Variants in RPP40 observed in about 807,000 individuals in gnomAD.
The protein encoded by RPP40 is ribonuclease P/MRP subunit p40, also known as ribonuclease P protein subunit p40.
RPP40 carries 30 observed loss-of-function variants against 42.5 expected under a neutral mutation model. The ratio of observed to expected loss-of-function variants is 0.71; its 90% CI spans 0.53 to 0.96. The LOEUF is 0.96. RPP40 is among the 40% of genes least tolerant of loss of function. The probability of loss-of-function intolerance (pLI) is 0.00; values close to 1 mark genes in which losing one functional copy is unlikely to be tolerated. For synonymous variants in RPP40, 173 were observed against 164.0 expected (o/e 1.05, Z -0.42); for missense variants, 426 against 433.5 (o/e 0.98, Z 0.15).
Position 5,004,006 on chromosome 6 carries a change from CTCCTGGGT to C in RPP40, c.-12_-5del, listed in dbSNP as rs557765486. ...GAAGCCGGCGCAGCGTGGCCATGCT[CTCCTGGGT>C]TCCTGGTCCTCCCGGCCTCCGCTGG... is the stretch of plus-strand genomic sequence containing the variant. On this transcript the variant is annotated 5_prime_UTR_variant, in exon 1 of 8. Transcript: ENST00000380051. 2.4e-5 allele frequency: 38 copies of C among 1,600,826 alleles called. No homozygotes were observed. Among genetic ancestry groups the C allele is most frequent in the Non-Finnish European group, 3.2e-5 (37 of 1,173,524 alleles).
intron 3 of RPP40, 89 bp from the exon 4 acceptor site, chr6:4,999,993 G>C: frequency 2.7e-6 from 2 of 738,946 alleles, no homozygotes; most frequent in South Asian, 1.6e-5. Flanking sequence ...TGAGCAGTTA[G>C]ATATCAATGT....
intron 5 of RPP40, among the ~76,000 whole-genome samples, chr6:4,998,491 T>C (rs939032376): frequency 6.6e-6 from 1 of 152,202 alleles, no homozygotes; most frequent in South Asian, 2.1e-4. Context: ...TGGATCTACA[T>C]ATAACCCAAA....
At chr6:4,996,865 G>A (rs1457446628) in intron 5 of RPP40, among the ~76,000 whole-genome samples, 2 of 152,166 alleles carry the variant, frequency 1.3e-5, no homozygotes, top group East Asian at 3.8e-4. Flanking sequence ...AAAATCCAGC[G>A]TATCTTTTCA....
chr6:4,998,728 A>G lies in RPP40; in HGVS notation c.547T>C (p.Trp183Arg). The G allele has an allele frequency of 1.3e-6, 2 of 1,551,992 alleles. No homozygotes were observed. Among genetic ancestry groups the G allele is most frequent in the Non-Finnish European group, 1.7e-6 (2 of 1,144,354 alleles). Residue 183 changes from tryptophan (W) to arginine (R), a missense_variant, in exon 5 of 8, where the codon TGG becomes CGG. By Grantham distance (101) the Trp-to-Arg change is moderately radical. Coordinates refer to ENST00000380051, the MANE Select transcript of RPP40 (RefSeq NM_006638.4). ...KPLKFDFLLA[W>R]HKTGSEESTM... ...TTATTCCTCATACCTGTTTTATGCC[A>G]AGCCAAAAGAAAATCAAATTTCAAT...
Position 5,002,245 on chromosome 6 carries a change from C to T in RPP40, c.124G>A (p.Val42Ile), listed in dbSNP as rs1471271064. Residue 42 changes from valine (V) to isoleucine (I), a missense_variant and splice_region_variant, in exon 2 of 8, where the codon GTT (valine) becomes ATT (isoleucine). Val to Ile is a conservative substitution (Grantham distance 29). Coordinates refer to ENST00000380051, the MANE Select transcript of RPP40 (RefSeq NM_006638.4). ...LVQTHYYNYR[V>I]SFLIPECGIL... ...CCACATTCAGGAATGAGAAATGAAACCTATTGGAATGTGTAATACAAACAA... is the reference window on the plus strand; with the variant it reads ...CCACATTCAGGAATGAGAAATGAAATCTATTGGAATGTGTAATACAAACAA... 4 of 1,610,272 alleles carry T rather than the reference C, an allele frequency of 2.5e-6. No individual in the cohort carries two copies. The African/African-American group carries it at 5.4e-5, about 22-fold the overall frequency.
Position 5,002,018 on chromosome 6 carries a change from AAAC to A in RPP40, c.268+80_268+82del, listed in dbSNP as rs1402806218. The A allele has an allele frequency of 5.4e-6, 7 of 1,290,622 alleles. No individual in the cohort carries two copies. In the East Asian group the frequency reaches 1.4e-4, roughly 26 times the overall value. The allele number at this position is 1,290,622 out of a possible 1,614,324, so 79.9% of individuals were successfully genotyped here. A position where few individuals can be genotyped will look rare whatever the true frequency, so the allele number is the denominator to read the frequency against. On this transcript the variant is annotated intron_variant, in intron 2 of 7. Coordinates refer to ENST00000380051, the MANE Select transcript of RPP40 (RefSeq NM_006638.4). ...TATACCACAGGCCCTGTTTGAAACA[AAAC>A]AACAGCCCTAGCATCGTGATGTGGT...
At chr6:5,001,105 C>T (rs781110211) in intron 2 of RPP40, 27 of 456,706 alleles carry the variant, frequency 5.9e-5, no homozygotes, top group African/African-American at 3.8e-4. Flanking sequence ...TTTGGGGATG[C>T]GCGGAGAGGG....
rs934838475 is a variant in RPP40, at chr6:5,003,868, A to G, written c.123+12T>C. 3.1e-6 allele frequency: 5 copies of G among 1,605,282 alleles called. No homozygotes were observed. The African/African-American group carries it at 5.4e-5, about 17-fold the overall frequency. On this transcript the variant is annotated intron_variant, in intron 1 of 7. Coordinates refer to ENST00000380051, the MANE Select transcript of RPP40 (RefSeq NM_006638.4). ...GAGCACGGCCCGAAAAGCCGAGGAC[A>G]GCCGGACTCACCCTGTAGTTATAGT...
chr6:4,999,812 A>C lies in RPP40; in HGVS notation c.430T>G (p.Phe144Val). The C allele has an allele frequency of 2.6e-6, 4 of 1,560,474 alleles. No homozygotes were observed. Among genetic ancestry groups the C allele is most frequent in the Non-Finnish European group, 3.5e-6 (4 of 1,132,018 alleles). The change falls in exon 4 of 8, where the codon TTT (phenylalanine) becomes GTT (valine). Residue 144 changes from phenylalanine (F) to valine (V), a missense_variant. Phe to Val is a conservative substitution (Grantham distance 50). Transcript: ENST00000380051. Reference protein sequence around the residue: ...SQFSGRKIMKFIVSIDLMELS... With the variant: ...SQFSGRKIMKVIVSIDLMELS... ...ATGGAACACACATGATACTTACTAA[A>C]TTTCATAATTTTTCTGCCAGAAAAC...
Position 5,003,648 on chromosome 6 carries a change from G to A in RPP40, c.123+232C>T. 5 of 481,452 alleles carry A rather than the reference G, an allele frequency of 1.0e-5. No homozygotes were observed. In the South Asian group the frequency reaches 1.4e-4, roughly 14 times the overall value. 29.8% of individuals were successfully genotyped at this position (481,452 alleles called of 1,614,324 possible). A position where few individuals can be genotyped will look rare whatever the true frequency, so the allele number is the denominator to read the frequency against. ...ACGCCCCTGACAACAGCTCCCTCCA[G>A]ACTGGGTACCGCCCCCACGCCCGGC... On this transcript the variant is annotated intron_variant, in intron 1 of 7. Coordinates refer to ENST00000380051, the MANE Select transcript of RPP40 (RefSeq NM_006638.4).
chr6:4,989,144 T>C, the RPP40 span, among the ~76,000 whole-genome samples: 4 of 152,232 alleles, frequency 2.6e-5, no homozygotes, highest in Non-Finnish European at 4.4e-5. Flanking sequence ...TTATTTGCAG[T>C]TTAAGTGGAC....
chr6:5,003,125 G>A (rs949433789), intron 1 of RPP40, among the ~76,000 whole-genome samples: 21 of 152,050 alleles, frequency 1.4e-4, no homozygotes, highest in African/African-American at 4.6e-4. Context: ...GAGACGGGCG[G>A]ATCACGAGGT....
chr6:4,995,963 A>G lies in RPP40; in HGVS notation c.881T>C (p.Leu294Ser), dbSNP rs567686250. ...AAAGAGTTCTCACCAGAGATGTTCC[A>G]ATAGGAGACAGATCTTCTCTGGAAG... ...FILPEKICLL[L>S]EHLCHYFDEP... Residue 294 changes from leucine to serine, a missense_variant, in exon 7 of 8, where the codon TTG becomes TCG. Physicochemically the swap from Leu to Ser is moderately radical, Grantham distance 145. Transcript: ENST00000380051. 6.2e-7 allele frequency: 1 copy of G among 1,614,076 alleles called. No homozygotes were observed. Among genetic ancestry groups the G allele is most frequent in the South Asian group, 1.1e-5 (1 of 91,078 alleles).
intron 5 of RPP40, among the ~76,000 whole-genome samples, chr6:4,997,589 C>G (rs575541610): frequency 6.6e-6 from 1 of 152,202 alleles, no homozygotes; most frequent in Non-Finnish European, 1.5e-5. Context: ...GACAGCCTGT[C>G]GTGGGACTCC....
intron 5 of RPP40, among the ~76,000 whole-genome samples, chr6:4,996,909 A>G (rs1759401238): frequency 6.6e-6 from 1 of 152,232 alleles, no homozygotes; most frequent in Non-Finnish European, 1.5e-5. Flanking sequence ...CTTGGAAGAC[A>G]GAGATAGTAC....
Position 4,998,829 on chromosome 6 carries a change from T to C in RPP40, c.446A>G (p.Asp149Gly). The C allele has an allele frequency of 7.0e-7, 1 of 1,429,632 alleles. No individual in the cohort carries two copies. The highest frequency in any genetic ancestry group is 9.6e-7 in the Non-Finnish European group (1 of 1,046,118). 88.6% of individuals were successfully genotyped at this position (1,429,632 alleles called of 1,614,324 possible). A position where few individuals can be genotyped will look rare whatever the true frequency, so the allele number is the denominator to read the frequency against. Residue 149 changes from aspartate (D) to glycine (G), a missense_variant, in exon 5 of 8, where the codon GAT (aspartate) becomes GGT (glycine). By Grantham distance (94) the Asp-to-Gly change is moderately conservative. Transcript: ENST00000380051. ...RKIMKFIVSI[D>G]LMELSLNLDS... ...CAAGTTTAAGGATAATTCCATCAAA[T>C]CAATGGAAACAACTTTAAAAATGAA... is the stretch of plus-strand genomic sequence containing the variant.
chr6:4,996,054 A>G lies in RPP40; in HGVS notation c.790T>C (p.Tyr264His), dbSNP rs764633736. 13 of 1,614,038 alleles carry G rather than the reference A, an allele frequency of 8.1e-6. No homozygotes were observed. In the African/African-American group the frequency reaches 1.1e-4, roughly 13 times the overall value. Residue 264 changes from tyrosine (Y) to histidine (H), a missense_variant, in exon 7 of 8, where the codon TAT becomes CAT. By Grantham distance (83) the Tyr-to-His change is moderately conservative. Transcript: ENST00000380051. ...NNEPNNFIST[Y>H]CCPEPSTVVA... Reference sequence around the variant, plus strand: ...ACTGTGCTTGGCTCAGGACAGCAATAGGTTGATATGAAATTATTAGGCTCA... The same window carrying G: ...ACTGTGCTTGGCTCAGGACAGCAATGGGTTGATATGAAATTATTAGGCTCA...
chr6:5,003,022 A>G (rs1182368492), intron 1 of RPP40, among the ~76,000 whole-genome samples: 1 of 152,098 alleles, frequency 6.6e-6, no homozygotes, highest in Non-Finnish European at 1.5e-5. Context: ...AGTCTCTCAG[A>G]TATCAAATTA....
At chr6:4,992,438 C>A (rs1759274945), downstream of RPP40, among the ~76,000 whole-genome samples, 1 of 151,716 alleles carries the variant, frequency 6.6e-6, no homozygotes, top group Non-Finnish European at 1.5e-5. Context: ...TATAAGCTAC[C>A]CAGTCTCAGA....
Sources: gnomAD v4.1 joint callset for allele counts (sites outside exome capture counted in the v4.1 genomes callset) on GRCh38, gnomAD v4.1.1 for gene constraint, MANE v1.5 for transcripts, NCBI Gene and HGNC (gene_info 2026-07-23, HGNC 2026-07-21) for gene names.